The following CFAP43 variants were observed in gnomAD, a reference collection of about 807,000 sequenced individuals.
CFAP43 encodes cilia and flagella associated protein 43, also known as cilia- and flagella-associated protein 43.
Under a neutral mutation model 218.9 loss-of-function variants are expected in CFAP43, and 155 were observed. That is an observed-to-expected ratio of 0.71 (90% CI 0.62 to 0.81). CFAP43 has a LOEUF of 0.81. Ranked by LOEUF, CFAP43 falls within the 30% of genes least tolerant of loss-of-function variation. The pLI is 0.00. For synonymous variants in CFAP43, 645 were observed against 681.3 expected (o/e 0.95, Z 0.83); for missense variants, 1,778 against 1,954.3 (o/e 0.91, Z 1.70).
chr10:104,186,490 C>T (rs1451342977), intron 14 of CFAP43, among the ~76,000 whole-genome samples: 1 of 152,102 alleles, frequency 6.6e-6, no homozygotes, highest in Non-Finnish European at 1.5e-5. Flanking sequence ...GCATTCCTAC[C>T]TCCAAGCCTC....
At position 104,166,703 on chromosome 10, in the gene CFAP43, C is replaced by T; in HGVS notation, c.2824G>A (p.Val942Ile). ...AACTTAACTCCAGACTGAGCCTCTA[C>T]AATTTCCTTCCGTAGCTACATGTAG... Reference protein sequence around the residue: ...AECLKLRKEIVEAQSGVKLIK... With the variant: ...AECLKLRKEIIEAQSGVKLIK... Residue 942 changes from valine to isoleucine, a missense_variant, in exon 23 of 38, where the codon GTA becomes ATA. By Grantham distance (29) the Val-to-Ile change is conservative (BLOSUM62 3). Around this residue, in one of 3 missense-constraint regions of CFAP43, gnomAD observed 1,553 missense variants for 1,685.2 expected, o/e 0.92. Transcript: ENST00000357060. The T allele has an allele frequency of 6.2e-7, 1 of 1,606,780 alleles. No individual in the cohort carries two copies. The highest frequency in any genetic ancestry group is 8.5e-7 in the Non-Finnish European group (1 of 1,176,650).
chr10:104,190,043 C>T (rs1390141150), intron 12 of CFAP43, among the ~76,000 whole-genome samples: 5 of 150,642 alleles, frequency 3.3e-5, no homozygotes, highest in Non-Finnish European at 7.4e-5. Context: ...TGGCGGGCGC[C>T]TGTAGGCCCA....
At position 104,164,558 on chromosome 10, in the gene CFAP43, C is replaced by T. The variant is rs1040841912; in HGVS notation, c.3040-258G>A. Among the ~76,000 whole-genome samples, 6 of 152,184 alleles carry T rather than the reference C, an allele frequency of 3.9e-5. No homozygotes were observed. The East Asian group carries it at 5.8e-4, about 15-fold the overall frequency. ...GACTACAGGTGCCCGCTACCACGCCCGGCTAATTTTTTTGTATTTTTAATA... is the reference window on the plus strand; with the variant it reads ...GACTACAGGTGCCCGCTACCACGCCTGGCTAATTTTTTTGTATTTTTAATA... On this transcript the variant is annotated intron_variant, in intron 23 of 37. Coordinates refer to ENST00000357060, the MANE Select transcript of CFAP43 (RefSeq NM_025145.7).
chr10:104,200,661 A>T (rs2090507036), intron 8 of CFAP43, among the ~76,000 whole-genome samples: 1 of 132,412 alleles, frequency 7.6e-6, no homozygotes, highest in Non-Finnish European at 1.5e-5. Context: ...ACAGAGCAAG[A>T]CTCTGTCTCA....
chr10:104,152,756 T>G (rs1442176808), intron 27 of CFAP43, 30 bp from the exon 28 acceptor site: 2 of 1,593,210 alleles, frequency 1.3e-6, no homozygotes, highest in African/African-American at 1.4e-5. Context: ...AAAGTTAACG[T>G]TTAAGAGTAT....
At position 104,132,182 on chromosome 10, in the gene CFAP43, T is replaced by C; in HGVS notation, c.4611A>G (p.Pro1537=). The part of the protein sequence containing the change: ...SRDRQKYLNE[P]NYEALISIQI... The stretch of plus-strand genomic sequence containing the variant: ...GAATACTAATCAGAGCCTCATAGTT[T>C]GGTTCATTTAGGTACTTTGAGATTA... The change falls in exon 36 of 38, where the codon CCA becomes CCG. Residue 1537 remains proline (P), a synonymous_variant. Coordinates refer to ENST00000357060, the MANE Select transcript of CFAP43 (RefSeq NM_025145.7). The C allele has an allele frequency of 6.2e-7, 1 of 1,601,290 alleles. No homozygotes were observed. The highest frequency in any genetic ancestry group is 8.5e-7 in the Non-Finnish European group (1 of 1,174,806).
intron 20 of CFAP43, among the ~76,000 whole-genome samples, chr10:104,171,093 GT>G (rs2089390541): frequency 6.6e-6 from 1 of 152,170 alleles, no homozygotes; most frequent in Non-Finnish European, 1.5e-5. Context: ...GACCACAGAA[GT>G]AGATCTCCCA....
At chr10:104,131,226 T>C in intron 37 of CFAP43, 105 bp downstream of exon 37, 1 of 1,352,620 alleles carries the variant, frequency 7.4e-7, no homozygotes, top group East Asian at 2.4e-5. Context: ...AACAATGTAT[T>C]TTTAAAGAAA....
In CFAP43 at chr10:104,147,921, G is replaced by A. The variant is rs2088055649; in HGVS notation, c.3738C>T (p.Asn1246=). 2 of 1,600,548 alleles carry A rather than the reference G, an allele frequency of 1.2e-6. No individual in the cohort carries two copies. Among genetic ancestry groups the A allele is most frequent in the Non-Finnish European group, 1.7e-6 (2 of 1,173,946 alleles). Reference sequence around the variant, plus strand: ...CGTGCTGTTTCCTTGTAAGGTAGTTGTTCAGGAATTTTTCTCTAGAGCTTA... The same window carrying A: ...CGTGCTGTTTCCTTGTAAGGTAGTTATTCAGGAATTTTTCTCTAGAGCTTA... ...EELSSREKFL[N]NYLTRKQHEK... The change falls in exon 29 of 38, where the codon AAC becomes AAT. Residue 1246 remains asparagine (N), a synonymous_variant. Transcript: ENST00000357060.
rs1040136615 is a variant in CFAP43, at chr10:104,129,909, G to C, written c.*230C>G. On this transcript the variant is annotated 3_prime_UTR_variant, in exon 38 of 38. Transcript: ENST00000357060. ...TGAATACTTTCTGACTTCAAGTCTT[G>C]TTTATTCTTGAATAAAAACAGCAAT... The C allele has an allele frequency of 2.4e-6, 1 of 420,708 alleles. No individual in the cohort carries two copies. The highest frequency in any genetic ancestry group is 2.1e-5 in the African/African-American group (1 of 48,060). 26.1% of individuals were successfully genotyped at this position (420,708 alleles called of 1,614,324 possible).
intron 16 of CFAP43, among the ~76,000 whole-genome samples, chr10:104,183,680 C>T (rs1453530102): frequency 6.6e-6 from 1 of 152,208 alleles, no homozygotes; most frequent in Non-Finnish European, 1.5e-5. Context: ...TGAGCCACTG[C>T]GCCTGGCCTA....
intron 20 of CFAP43, among the ~76,000 whole-genome samples, chr10:104,170,448 G>C (rs2089362203): frequency 6.6e-6 from 1 of 152,120 alleles, no homozygotes; most frequent in South Asian, 2.1e-4. Context: ...AGCTTGGAGA[G>C]AGAAGCAAAG....
At chr10:104,203,355 A>G in intron 8 of CFAP43, 1 of 332,010 alleles carries the variant, frequency 3.0e-6, no homozygotes, top group East Asian at 4.6e-5. Context: ...TTAACACCAT[A>G]AGCGGAGAGT....
At chr10:104,167,445 T>C (rs528498225) in intron 22 of CFAP43, 176 bp downstream of exon 22, 108 of 400,602 alleles carry the variant, frequency 2.7e-4, no homozygotes, top group African/African-American at 2.1e-3. Context: ...CTTGATTTAT[T>C]GTGTGGATAT....
intron 27 of CFAP43, among the ~76,000 whole-genome samples, chr10:104,153,778 C>G (rs750355854): frequency 1.5e-4 from 22 of 151,500 alleles, no homozygotes; most frequent in Non-Finnish European, 2.2e-4. Context: ...CTCTCTCTCT[C>G]TCTCTTCTCT....
chr10:104,152,811 G>A (rs542262859), intron 27 of CFAP43, 85 bp from the exon 28 acceptor site: 3 of 1,474,994 alleles, frequency 2.0e-6, no homozygotes, highest in Admixed American at 4.4e-5. Flanking sequence ...CACAAGGGAG[G>A]GGCAGATGGA....
rs2088313181 is a variant in CFAP43 at position 104,152,480 on chromosome 10, G to C, written c.3660+127C>G. 6.1e-6 allele frequency: 8 copies of C among 1,316,172 alleles called. 1 individual carries two copies. The South Asian group carries it at 1.1e-4, about 17-fold the overall frequency. 81.5% of individuals were successfully genotyped at this position (1,316,172 alleles called of 1,614,324 possible). ...GGGGAAGGTGCACAAGATGAGACTG[G>C]AGAGGGACGCAGGGCCCAGAGCATA... On this transcript the variant is annotated intron_variant, in intron 28 of 37. Coordinates refer to ENST00000357060, the MANE Select transcript of CFAP43 (RefSeq NM_025145.7).
At position 104,192,214 on chromosome 10, in the gene CFAP43, T is replaced by C. The variant is rs769745039; in HGVS notation, c.1531A>G (p.Ile511Val). 8 of 1,611,012 alleles carry C rather than the reference T, an allele frequency of 5.0e-6. No homozygotes were observed. The highest frequency in any genetic ancestry group is 5.9e-6 in the Non-Finnish European group (7 of 1,178,242). The change falls in exon 12 of 38, where the codon ATT (isoleucine) becomes GTT (valine). Residue 511 changes from isoleucine to valine, a missense_variant. Around this residue, in one of 3 missense-constraint regions of CFAP43, gnomAD observed 1,553 missense variants for 1,685.2 expected, o/e 0.92. Coordinates refer to ENST00000357060, the MANE Select transcript of CFAP43 (RefSeq NM_025145.7). ...TATGTTGTACCTGTGAATCCAATAA[T>C]CTGAAATGAGCTTGAGGAGTTGGCA... is the stretch of plus-strand genomic sequence containing the variant. Reference protein sequence around the residue: ...INANSSSSFQIIGFTEVAKDI... With the variant: ...INANSSSSFQVIGFTEVAKDI...
At chr10:104,202,270 C>T (rs1445141034) in intron 8 of CFAP43, among the ~76,000 whole-genome samples, 7 of 152,160 alleles carry the variant, frequency 4.6e-5, no homozygotes, top group Admixed American at 3.3e-4. Context: ...ACTGAAATTC[C>T]TTAGAAGTAA....
Sources: gnomAD v4.1 joint callset for allele counts (sites outside exome capture counted in the v4.1 genomes callset) on GRCh38, gnomAD v4.1.1 for gene constraint, gnomAD v4.1.1 regional missense constraint, MANE v1.5 for transcripts, NCBI Gene and HGNC (gene_info 2026-07-23, HGNC 2026-07-21) for gene names.